KCND2: variants seen among roughly 807,000 people sequenced by gnomAD.
The protein encoded by KCND2 is potassium voltage-gated channel subfamily D member 2.
Under a neutral mutation model 54.4 loss-of-function variants are expected in KCND2, and 16 were observed. That is an observed-to-expected ratio of 0.29 (90% confidence interval 0.20 to 0.45). The LOEUF is 0.45. Among genes scored for constraint, KCND2 ranks in the 20% least tolerant of loss-of-function variants. The pLI is 1.00. For missense variants in KCND2, 486 were observed against 824.2 expected (o/e 0.59, Z 5.02); for synonymous variants, 317 against 310.7 (o/e 1.02, Z -0.21).
intron 1 of KCND2, among the ~76,000 whole-genome samples, chr7:120,598,737 T>C (rs1452794643): frequency 6.6e-6 from 1 of 152,234 alleles, no homozygotes; most frequent in African/African-American, 2.4e-5. Flanking sequence ...TTGCATATTC[T>C]CTTGCAAATG....
intron 1 of KCND2, among the ~76,000 whole-genome samples, chr7:120,324,142 G>A (rs1199312530): frequency 6.6e-6 from 1 of 151,288 alleles, no homozygotes; most frequent in Non-Finnish European, 1.5e-5. Context: ...TTTTTGATAG[G>A]GTTGTTTGTT....
At chr7:120,356,714 C>T (rs1249714920) in intron 1 of KCND2, among the ~76,000 whole-genome samples, 2 of 152,104 alleles carry the variant, frequency 1.3e-5, no homozygotes, top group Admixed American at 6.6e-5. Context: ...TTGCTATTGG[C>T]AACTTCTTGG....
chr7:120,595,864 C>G (rs917986346), intron 1 of KCND2, among the ~76,000 whole-genome samples: 2 of 150,164 alleles, frequency 1.3e-5, no homozygotes, highest in Non-Finnish European at 3.0e-5. Context: ...ATAATATGAG[C>G]TAGAAAGAAG....
intron 1 of KCND2, among the ~76,000 whole-genome samples, chr7:120,479,227 C>T (rs1048702336): frequency 5.9e-5 from 9 of 151,938 alleles, no homozygotes; most frequent in South Asian, 2.1e-4. Context: ...ATGTGTCCTC[C>T]GCTACCTTGG....
At chr7:120,316,999 C>G (rs1007931658) in intron 1 of KCND2, among the ~76,000 whole-genome samples, 2 of 152,144 alleles carry the variant, frequency 1.3e-5, no homozygotes, top group African/African-American at 4.8e-5. Context: ...CGATGCCCAG[C>G]TGATTTTTTG....
intron 1 of KCND2, among the ~76,000 whole-genome samples, chr7:120,698,066 G>A (rs1792354127): frequency 7.5e-6 from 1 of 133,258 alleles, no homozygotes; most frequent in Non-Finnish European, 1.5e-5. Flanking sequence ...CCAGGCTGGA[G>A]TGCAGTGGTG....
chr7:120,653,921 A>G (rs952748317), intron 1 of KCND2, among the ~76,000 whole-genome samples: 2 of 152,184 alleles, frequency 1.3e-5, no homozygotes, highest in African/African-American at 2.4e-5. Flanking sequence ...GAGAAAGTTA[A>G]CAAGCAGCAG....
intron 1 of KCND2, among the ~76,000 whole-genome samples, chr7:120,334,080 T>C (rs1004174470): frequency 3.9e-5 from 6 of 152,194 alleles, no homozygotes; most frequent in African/African-American, 1.2e-4. Context: ...CAGTTTTATT[T>C]TTGTTTTCTG....
chr7:120,705,153 T>C (rs1414017947), intron 1 of KCND2, among the ~76,000 whole-genome samples: 1 of 152,086 alleles, frequency 6.6e-6, no homozygotes, highest in African/African-American at 2.4e-5. Flanking sequence ...AGAGGTAAAA[T>C]TGAATGAAAG....
rs1240160424 is a variant in KCND2 at position 120,626,938 on chromosome 7, T to C, written c.1116-105965T>C. 2.0e-5 allele frequency among the ~76,000 whole-genome samples: 3 copies of C among 152,322 alleles called. No individual in the cohort carries two copies. In the South Asian group the frequency reaches 6.2e-4, roughly 32 times the overall value. ...GCCTGTTTTCTCATGATCCCTAAGTTCCTTTCCATTGCTGCGATGTACACT... is the reference window on the plus strand; with the variant it reads ...GCCTGTTTTCTCATGATCCCTAAGTCCCTTTCCATTGCTGCGATGTACACT... On this transcript the variant is annotated intron_variant, in intron 1 of 5. Coordinates refer to ENST00000331113, the MANE Select transcript of KCND2 (RefSeq NM_012281.3).
At chr7:120,516,634 A>C (rs1803200935) in intron 1 of KCND2, among the ~76,000 whole-genome samples, 1 of 151,894 alleles carries the variant, frequency 6.6e-6, no homozygotes, top group Admixed American at 6.6e-5. Context: ...TTACTGCCGG[A>C]CTCTCCAAGT....
chr7:120,454,151 G>A (rs192301918), intron 1 of KCND2, among the ~76,000 whole-genome samples: 1 of 151,926 alleles, frequency 6.6e-6, no homozygotes, highest in Non-Finnish European at 1.5e-5. Context: ...ACCAAGAACT[G>A]AAGAGACAAA....
chr7:120,549,093 C>T (rs1792076567), intron 1 of KCND2, among the ~76,000 whole-genome samples: 1 of 152,072 alleles, frequency 6.6e-6, no homozygotes, highest in Admixed American at 6.6e-5. Context: ...ACTGACCCCA[C>T]ATCCATTAAG....
chr7:120,581,113 A>G (rs140071116), intron 1 of KCND2, among the ~76,000 whole-genome samples: 229 of 152,334 alleles, frequency 1.5e-3, no homozygotes, highest in African/African-American at 5.2e-3. Flanking sequence ...GTCTAATATA[A>G]AGTCTTATTA....
intron 1 of KCND2, among the ~76,000 whole-genome samples, chr7:120,663,870 A>T (rs921583885): frequency 6.6e-6 from 1 of 152,172 alleles, no homozygotes; most frequent in Non-Finnish European, 1.5e-5. Flanking sequence ...CCTCACCATT[A>T]TTATATGCCA....
intron 1 of KCND2, among the ~76,000 whole-genome samples, chr7:120,382,479 T>G (rs1041177827): frequency 2.6e-5 from 4 of 151,940 alleles, no homozygotes; most frequent in Non-Finnish European, 5.9e-5. Context: ...CAAATATAAA[T>G]GTAATCATGG....
intron 1 of KCND2, among the ~76,000 whole-genome samples, chr7:120,448,972 A>G (rs896307511): frequency 6.6e-5 from 10 of 152,192 alleles, no homozygotes; most frequent in African/African-American, 2.4e-4. Context: ...ATTAATCAGT[A>G]TCTGTCACAT....
At chr7:120,722,252 C>G (rs1792676100) in intron 1 of KCND2, among the ~76,000 whole-genome samples, 1 of 152,138 alleles carries the variant, frequency 6.6e-6, no homozygotes, top group South Asian at 2.1e-4. Context: ...CAGGAGGAAC[C>G]CAGGCCCTAC....
intron 1 of KCND2, among the ~76,000 whole-genome samples, chr7:120,530,104 A>G (rs1246445475): frequency 1.3e-5 from 2 of 152,108 alleles, no homozygotes; most frequent in Non-Finnish European, 1.5e-5. Flanking sequence ...AATAATTAAT[A>G]AGATGTACTG....
Sources: allele counts gnomAD v4.1 joint callset (sites outside exome capture counted in the v4.1 genomes callset), GRCh38; gene constraint gnomAD v4.1.1; transcripts MANE v1.5; gene names NCBI Gene and HGNC (gene_info 2026-07-23, HGNC 2026-07-21).